The following TRPC1 variants were observed in gnomAD, a reference collection of about 807,000 sequenced individuals.
TRPC1 encodes the protein transient receptor potential cation channel subfamily C member 1, also known as short transient receptor potential channel 1.
TRPC1 carries 42 observed loss-of-function variants against 88.2 expected under a neutral mutation model. The observed-to-expected ratio is 0.48, with a 90% CI of 0.37 to 0.62. The LOEUF (loss-of-function observed/expected upper bound fraction) is 0.62. Ranked by LOEUF, TRPC1 falls within the 20% of genes least tolerant of loss-of-function variation. The pLI is 0.00. For synonymous variants in TRPC1, 288 were observed against 331.8 expected, an observed-to-expected ratio of 0.87 and a Z score of 1.43; for missense variants, 699 against 957.3, an observed-to-expected ratio of 0.73 and a Z score of 3.56.
At position 142,724,545 on chromosome 3, in the gene TRPC1, C is replaced by T; in HGVS notation, c.-15C>T. On this transcript the variant is annotated 5_prime_UTR_variant, in exon 1 of 13. Transcript: ENST00000476941. This position sits in a 1 kb window ranked among gnomAD's most constrained non-coding sequence, Gnocchi z 5.6. ...CCCGCCCCCGTCTCCTGGCCTGCCCCCTTCATGGGCCGCGATGATGGCGGC... is the reference window on the plus strand; with the variant it reads ...CCCGCCCCCGTCTCCTGGCCTGCCCTCTTCATGGGCCGCGATGATGGCGGC... 1.3e-6 allele frequency: 2 copies of T among 1,553,296 alleles called. No individual in the cohort carries two copies. The highest frequency in any genetic ancestry group is 1.7e-6 in the Non-Finnish European group (2 of 1,151,908).
At chr3:142,735,934 C>G (rs1162427014) in intron 1 of TRPC1, among the ~76,000 whole-genome samples, 2 of 152,034 alleles carry the variant, frequency 1.3e-5, no homozygotes, top group Non-Finnish European at 2.9e-5. Flanking sequence ...CTGCTTATTA[C>G]TAGATCTCAT....
chr3:142,774,917 A>C (rs1483329778), intron 4 of TRPC1, among the ~76,000 whole-genome samples: 1 of 152,190 alleles, frequency 6.6e-6, no homozygotes. Context: ...CATTATTGGA[A>C]GTTACTCTTG....
chr3:142,771,326 G>A (rs890275709), intron 4 of TRPC1, among the ~76,000 whole-genome samples: 5 of 152,022 alleles, frequency 3.3e-5, no homozygotes, highest in African/African-American at 1.2e-4. Flanking sequence ...ACTTGTCAAA[G>A]TCAGTGTCAG....
chr3:142,759,916 G>A lies in TRPC1; in HGVS notation c.632+11456G>A, dbSNP rs143447539. ...GTTGCCCAGGCTGGAGTGCAGTGGC[G>A]CGATCTCGGCTCACTGCAAGCTCCG... On this transcript the variant is annotated intron_variant, in intron 4 of 12. Transcript: ENST00000476941. Among the ~76,000 whole-genome samples the A allele has an allele frequency of 5.5e-3, 837 of 152,164 alleles. 12 individuals are homozygous for A. The highest frequency in any genetic ancestry group is 0.02 in the Middle Eastern group (6 of 294).
intron 9 of TRPC1, among the ~76,000 whole-genome samples, chr3:142,800,468 G>A (rs1478814362): frequency 6.6e-6 from 1 of 152,146 alleles, no homozygotes; most frequent in Non-Finnish European, 1.5e-5. Context: ...CCAGTTGCCT[G>A]TGGCTACCAT....
intron 9 of TRPC1, 79 bp downstream of exon 9, chr3:142,793,046 T>A: frequency 4.9e-6 from 6 of 1,216,102 alleles, no homozygotes; most frequent in Non-Finnish European, 5.5e-6. Context: ...AGTGGAATAC[T>A]GTTCTCTCAT....
At chr3:142,761,784 T>G (rs866852663) in intron 4 of TRPC1, among the ~76,000 whole-genome samples, 15 of 152,160 alleles carry the variant, frequency 9.9e-5, no homozygotes, top group African/African-American at 3.4e-4. Context: ...TTCTATTTCT[T>G]CATGGCTCAA....
chr3:142,763,999 C>T (rs4683430), intron 4 of TRPC1, among the ~76,000 whole-genome samples: 4,121 of 36,920 alleles, frequency 0.11, 488 homozygotes, highest in African/African-American at 0.36. Flanking sequence ...TACATACATA[C>T]ATATATATAT....
intron 2 of TRPC1, among the ~76,000 whole-genome samples, chr3:142,740,203 G>A (rs548535344): frequency 6.6e-6 from 1 of 152,202 alleles, no homozygotes; most frequent in African/African-American, 2.4e-5. Flanking sequence ...AAATCTTAGT[G>A]AATATTTTGA....
rs1935420484 is a variant in TRPC1, at chr3:142,767,110, C to T, written c.633-10522C>T. Among the ~76,000 whole-genome samples, 1 of 152,136 alleles carries T rather than the reference C, an allele frequency of 6.6e-6. No individual in the cohort carries two copies. The highest frequency in any genetic ancestry group is 1.5e-5 in the Non-Finnish European group (1 of 68,012). ...GTATATCTCTCCATTTAATAGGTTT[C>T]ATTTAATTTCTCTCAGCAATATTTT... On this transcript the variant is annotated intron_variant, in intron 4 of 12. Transcript: ENST00000476941. The surrounding 1 kb of genome is among the most constrained non-coding windows in gnomAD (Gnocchi z 5.1).
Position 142,792,943 on chromosome 3 carries a change from C to T in TRPC1, c.1557C>T (p.Thr519=). Residue 519 remains threonine, a synonymous_variant, in exon 9 of 13, where the codon ACC becomes ACT. Coordinates refer to ENST00000476941, the MANE Select transcript of TRPC1 (RefSeq NM_001251845.2). The surrounding 1 kb of genome is among the most constrained non-coding windows in gnomAD (Gnocchi z 4.0). ...TTCGTCTCTTTTTTATGTATACAAC[C>T]AGCTCTATCTTGGGTCCATTACAGG... is the stretch of plus-strand genomic sequence containing the variant. ...SYLRLFFMYT[T]SSILGPLQIS... The T allele has an allele frequency of 6.2e-7, 1 of 1,605,024 alleles. No individual in the cohort carries two copies. Among genetic ancestry groups the T allele is most frequent in the Non-Finnish European group, 8.5e-7 (1 of 1,175,762 alleles).
chr3:142,803,719 A>G (rs1250093738), intron 10 of TRPC1, among the ~76,000 whole-genome samples: 1 of 152,228 alleles, frequency 6.6e-6, no homozygotes, highest in Non-Finnish European at 1.5e-5. Flanking sequence ...TTAACAAATC[A>G]TATAGGCTGC....
intron 4 of TRPC1, among the ~76,000 whole-genome samples, chr3:142,768,256 A>G (rs1014002284): frequency 7.2e-5 from 11 of 152,130 alleles, no homozygotes; most frequent in South Asian, 2.1e-4. Flanking sequence ...TTTTCTATCA[A>G]TTTCTGGCAA....
At chr3:142,746,075 G>A (rs1397050365) in intron 3 of TRPC1, among the ~76,000 whole-genome samples, 2 of 152,114 alleles carry the variant, frequency 1.3e-5, no homozygotes, top group Non-Finnish European at 2.9e-5. Flanking sequence ...TTTACTTCTA[G>A]AGAGGCAATA....
chr3:142,755,093 C>T (rs1046558807), intron 4 of TRPC1, among the ~76,000 whole-genome samples: 4 of 152,044 alleles, frequency 2.6e-5, no homozygotes, highest in Non-Finnish European at 5.9e-5. Flanking sequence ...GTATTCTACA[C>T]GTGTTCCTTA....
At chr3:142,753,717 ACT>A (rs1248878821) in intron 4 of TRPC1, among the ~76,000 whole-genome samples, 3 of 126,436 alleles carry the variant, frequency 2.4e-5, no homozygotes, top group African/African-American at 9.8e-5. Flanking sequence ...GTGAGCTGAG[ACT>A]CTGCCTCAAA....
Position 142,804,465 on chromosome 3 carries a change from T to C in TRPC1, c.1989T>C (p.Ala663=). ...ATGAAGACAAAGAATGGAAGTTTGC[T>C]CGAGCAAAATTATGGCTTAGCTACT... ...ANHEDKEWKF[A]RAKLWLSYFD... is the part of the protein sequence containing the mutation. Residue 663 remains alanine (A), a synonymous_variant, in exon 12 of 13, where the codon GCT becomes GCC. Transcript: ENST00000476941. 6.2e-7 allele frequency: 1 copy of C among 1,611,322 alleles called. No individual in the cohort carries two copies. Among genetic ancestry groups the C allele is most frequent in the South Asian group, 1.1e-5 (1 of 90,092 alleles).
At chr3:142,801,204 G>A (rs569456616) in intron 9 of TRPC1, 1 of 152,126 alleles carries the variant, frequency 6.6e-6, no homozygotes, top group African/African-American at 2.4e-5. Context: ...AAACAATGTT[G>A]AGTAATGTTA....
rs1224553480 is a variant in TRPC1 at position 142,791,015 on chromosome 3, T to A, written c.1298-4T>A. 3 of 1,569,616 alleles carry A rather than the reference T, an allele frequency of 1.9e-6. No homozygotes were observed. Among genetic ancestry groups the A allele is most frequent in the East Asian group, 4.6e-5 (2 of 43,434 alleles). ...TTATCTGATTTTTTTCTTCCTTTTC[T>A]CAGGGATGATTTGGTCAGACATTAA... On this transcript the variant is annotated splice_region_variant and splice_polypyrimidine_tract_variant and intron_variant, in intron 7 of 12. Transcript: ENST00000476941.
Sources: allele counts gnomAD v4.1 joint callset (sites outside exome capture counted in the v4.1 genomes callset), GRCh38; gene constraint gnomAD v4.1.1; non-coding constraint Gnocchi (gnomAD v3.1); transcripts MANE v1.5; gene names NCBI Gene and HGNC (gene_info 2026-07-23, HGNC 2026-07-21).